Variants in WWC2 observed in about 807,000 individuals in gnomAD.
The protein encoded by WWC2 is WW and C2 domain containing 2.
Under a neutral mutation model 138.5 loss-of-function variants are expected in WWC2, and 101 were observed. The observed-to-expected ratio is 0.73, with a 90% CI of 0.62 to 0.86. The LOEUF is 0.86. Among genes scored for constraint, WWC2 ranks in the 40% least tolerant of loss-of-function variants. The pLI, the probability that WWC2 is intolerant of heterozygous loss-of-function variation, is 0.00. For missense variants in WWC2, 1,420 were observed against 1,419.4 expected, an observed-to-expected ratio of 1.00 and a Z score of -0.01; for synonymous variants, 558 against 538.4, an observed-to-expected ratio of 1.04 and a Z score of -0.50.
intron 4 of WWC2, among the ~76,000 whole-genome samples, chr4:183,227,490 A>T (rs925073640): frequency 6.6e-6 from 1 of 152,140 alleles, no homozygotes; most frequent in African/African-American, 2.4e-5. Context: ...GATGCTTGAG[A>T]TTTTTGAGAA....
In WWC2 at chr4:183,237,766, A is replaced by G. The variant is rs529003957; in HGVS notation, c.523-2417A>G. Among the ~76,000 whole-genome samples the G allele has an allele frequency of 9.2e-5, 14 of 152,324 alleles. 1 individual carries two copies. The highest frequency in any genetic ancestry group is 2.9e-4 in the African/African-American group (12 of 41,570). On this transcript the variant is annotated intron_variant, in intron 4 of 22. Coordinates refer to ENST00000403733, the MANE Select transcript of WWC2 (RefSeq NM_024949.6). Reference sequence around the variant, plus strand: ...TGTCCAAAGCACTGTGCCTAAAGCTATGCAAACATGAGTATTACACCGCTC... The same window carrying G: ...TGTCCAAAGCACTGTGCCTAAAGCTGTGCAAACATGAGTATTACACCGCTC...
chr4:183,209,052 T>G (rs766336418), intron 4 of WWC2, 27 bp downstream of exon 4: 94 of 1,482,272 alleles, frequency 6.3e-5, no homozygotes, highest in Non-Finnish European at 7.5e-5. Flanking sequence ...TGTGGTTCTA[T>G]GTTGACCCAT....
At chr4:183,149,273 G>T (rs10520545) in intron 1 of WWC2, among the ~76,000 whole-genome samples, 14,569 of 152,016 alleles carry the variant, frequency 0.096, 951 homozygotes, top group East Asian at 0.21. Context: ...TTTTCTTTAG[G>T]AATACATGCT....
At chr4:183,266,364 T>C (rs922167616) in intron 14 of WWC2, among the ~76,000 whole-genome samples, 2 of 152,246 alleles carry the variant, frequency 1.3e-5, no homozygotes, top group Non-Finnish European at 2.9e-5. Flanking sequence ...TCAAACATTT[T>C]ATCATGCTAC....
intron 4 of WWC2, among the ~76,000 whole-genome samples, chr4:183,236,920 T>C (rs1426111120): frequency 2.6e-5 from 4 of 152,218 alleles, no homozygotes. Context: ...GTGTGTCCTC[T>C]TCAACTTCTT....
At chr4:183,279,585 G>A (rs528734566) in intron 16 of WWC2, among the ~76,000 whole-genome samples, 3 of 152,182 alleles carry the variant, frequency 2.0e-5, no homozygotes, top group East Asian at 1.9e-4. Context: ...GGTAGAATTC[G>A]GCTGTGAATC....
intron 21 of WWC2, among the ~76,000 whole-genome samples, chr4:183,297,750 G>A (rs1047988271): frequency 6.6e-6 from 1 of 152,232 alleles, no homozygotes; most frequent in Non-Finnish European, 1.5e-5. Flanking sequence ...CTAAGAGGGT[G>A]CAGCCCAGGG....
intron 1 of WWC2, among the ~76,000 whole-genome samples, chr4:183,188,084 A>G (rs1734867270): frequency 6.6e-6 from 1 of 152,214 alleles, no homozygotes; most frequent in Admixed American, 6.5e-5. Flanking sequence ...GTTCTAGTAA[A>G]CAGTAATATA....
At position 183,193,587 on chromosome 4, in the gene WWC2, G is replaced by A. The variant is rs1316564399; in HGVS notation, c.132-12G>A. On this transcript the variant is annotated splice_polypyrimidine_tract_variant and intron_variant, in intron 1 of 22. Transcript: ENST00000403733. ...AAAGAATCACTGGTGTGTCAATTCT[G>A]GTTTGTTGTAGGTTAACGAAGCCCT... 1 of 1,612,536 alleles carries A rather than the reference G, an allele frequency of 6.2e-7. No homozygotes were observed.
At position 183,269,039 on chromosome 4, in the gene WWC2, C is replaced by T. The variant is rs145739176; in HGVS notation, c.2276C>T (p.Pro759Leu). 71 of 1,613,882 alleles carry T rather than the reference C, an allele frequency of 4.4e-5. 2 individuals carry two copies. In the South Asian group the frequency reaches 4.5e-4, roughly 10 times the overall value. ...VSCLFRTKVH[P>L]PTESILFNDV... ...TGTCTGTTTCGCACAAAAGTTCATC[C>T]GCCCACAGAATCCATTTTATTCAAT... Residue 759 changes from proline to leucine, a missense_variant, in exon 15 of 23, where the codon CCG (proline) becomes CTG (leucine). Physicochemically the swap from Pro to Leu is moderately conservative, Grantham distance 98. Coordinates refer to ENST00000403733, the MANE Select transcript of WWC2 (RefSeq NM_024949.6).
At chr4:183,271,847 A>G (rs1249893390) in intron 16 of WWC2, among the ~76,000 whole-genome samples, 6 of 152,138 alleles carry the variant, frequency 3.9e-5, no homozygotes, top group African/African-American at 1.4e-4. Context: ...CTACAAAAAT[A>G]ACAAAAAAAT....
chr4:183,215,029 C>A (rs1484061193), intron 4 of WWC2, among the ~76,000 whole-genome samples: 1 of 152,122 alleles, frequency 6.6e-6, no homozygotes, highest in African/African-American at 2.4e-5. Flanking sequence ...TACAGTAGCT[C>A]CCCTTTATTC....
intron 4 of WWC2, among the ~76,000 whole-genome samples, chr4:183,238,845 G>T (rs1212674528): frequency 6.6e-6 from 1 of 152,100 alleles, no homozygotes; most frequent in African/African-American, 2.4e-5. Flanking sequence ...TCAATATCTG[G>T]CTGCTCCATG....
chr4:183,111,132 C>T (rs781372690), intron 1 of WWC2, among the ~76,000 whole-genome samples: 4 of 151,826 alleles, frequency 2.6e-5, no homozygotes, highest in Admixed American at 6.6e-5. Flanking sequence ...CCCAGCTCTT[C>T]GGGAGGCTGA....
chr4:183,109,286 AAG>A (rs1205804665), intron 1 of WWC2, among the ~76,000 whole-genome samples: 2 of 152,228 alleles, frequency 1.3e-5, no homozygotes, highest in African/African-American at 4.8e-5. Context: ...CCTTTACAGA[AAG>A]AGTTTGCCAT....
intron 21 of WWC2, among the ~76,000 whole-genome samples, chr4:183,297,797 T>C (rs1036528919): frequency 6.6e-6 from 1 of 152,224 alleles, no homozygotes; most frequent in African/African-American, 2.4e-5. Flanking sequence ...TGGCCGCTAG[T>C]GTGCTGCCTG....
In WWC2 at chr4:183,316,091, G is replaced by A. The variant is rs964244535; in HGVS notation, c.*362G>A. The stretch of plus-strand genomic sequence containing the variant: ...GAGAAACAACTTGGTTCAGCCGGTG[G>A]TTTTGCTTCTCCTTTGTGTTCCTGT... On this transcript the variant is annotated 3_prime_UTR_variant, in exon 23 of 23. Coordinates refer to ENST00000403733, the MANE Select transcript of WWC2 (RefSeq NM_024949.6). 6 of 200,688 alleles carry A rather than the reference G, an allele frequency of 3.0e-5. No homozygotes were observed. Among genetic ancestry groups the A allele is most frequent in the African/African-American group, 1.4e-4 (6 of 42,402 alleles). 12.4% of individuals were successfully genotyped at this position (200,688 alleles called of 1,614,324 possible). A position where few individuals can be genotyped will look rare whatever the true frequency, so the allele number is the denominator to read the frequency against.
chr4:183,265,668 T>C lies in WWC2; in HGVS notation c.2040-20T>C. ...GATAACCCCATTAATTAACTGTTCA[T>C]CTACTCCCTGTCCATATAGACCTAG... On this transcript the variant is annotated intron_variant, in intron 12 of 22. Transcript: ENST00000403733. 6.3e-7 allele frequency: 1 copy of C among 1,599,128 alleles called. No homozygotes were observed. The highest frequency in any genetic ancestry group is 8.5e-7 in the Non-Finnish European group (1 of 1,171,674).
chr4:183,268,155 G>A (rs1364416005), intron 14 of WWC2, among the ~76,000 whole-genome samples: 2 of 152,170 alleles, frequency 1.3e-5, no homozygotes, highest in East Asian at 3.9e-4. Flanking sequence ...TTCTAACGGA[G>A]AAAGGCATGT....
Sources: allele counts gnomAD v4.1 joint callset (sites outside exome capture counted in the v4.1 genomes callset), GRCh38; gene constraint gnomAD v4.1.1; transcripts MANE v1.5; gene names NCBI Gene and HGNC (gene_info 2026-07-23, HGNC 2026-07-21).